EFCAB5: variants seen among roughly 807,000 people sequenced by gnomAD.
EFCAB5 encodes EF-hand calcium-binding domain-containing protein 5.
In EFCAB5, 131 loss-of-function variants were observed where a neutral mutation model predicts 167.9. The ratio of observed to expected loss-of-function variants is 0.78; its 90% CI spans 0.68 to 0.90. The LOEUF (loss-of-function observed/expected upper bound fraction) is 0.90. Among genes scored for constraint, EFCAB5 ranks in the 40% least tolerant of loss-of-function variants. The probability of loss-of-function intolerance (pLI) is 0.00; values close to 1 mark genes in which losing one functional copy is unlikely to be tolerated. For missense variants in EFCAB5, 1,663 were observed against 1,745.2 expected (o/e 0.95, Z 0.84); for synonymous variants, 574 against 602.8 (o/e 0.95, Z 0.70).
In EFCAB5 at chr17:29,965,027, G is replaced by A. The variant is rs117822962; in HGVS notation, c.191-3764G>A. Among the ~76,000 whole-genome samples the A allele has an allele frequency of 2.0e-3, 305 of 151,230 alleles. 9 individuals are homozygous for A. In the East Asian group the frequency reaches 0.053, roughly 26 times the overall value. ...CACCATTCTCCTGCCTCAGCCTGCC[G>A]AGTAGTTCGGACTACAGGCGCCTGC... On this transcript the variant is annotated intron_variant, in intron 3 of 22. Transcript: ENST00000394835.
At chr17:29,967,757 C>A (rs960801297) in intron 3 of EFCAB5, among the ~76,000 whole-genome samples, 1 of 152,116 alleles carries the variant, frequency 6.6e-6, no homozygotes, top group Non-Finnish European at 1.5e-5. Context: ...AGTCTACCAT[C>A]TTGGTCTAAT....
chr17:29,954,740 T>G (rs1254928427), intron 3 of EFCAB5, among the ~76,000 whole-genome samples: 1 of 152,130 alleles, frequency 6.6e-6, no homozygotes, highest in African/African-American at 2.4e-5. Context: ...GAATGATAGA[T>G]TCACCGACAG....
chr17:29,990,652 T>G (rs1170152970), intron 4 of EFCAB5, among the ~76,000 whole-genome samples: 1 of 152,206 alleles, frequency 6.6e-6, no homozygotes, highest in Non-Finnish European at 1.5e-5. Context: ...TGGTCCATAT[T>G]GATTAATAGC....
chr17:29,998,273 AG>A (rs755131356), intron 6 of EFCAB5, among the ~76,000 whole-genome samples: 7 of 152,176 alleles, frequency 4.6e-5, no homozygotes, highest in Non-Finnish European at 8.8e-5. Context: ...TTTTTGAATG[AG>A]GGTACAGAAG....
chr17:29,972,740 G>C (rs1214075822), intron 4 of EFCAB5: 1 of 220,644 alleles, frequency 4.5e-6, no homozygotes, highest in East Asian at 1.1e-4. Context: ...GCCAGAAAGC[G>C]TCCTTGCTGA....
At chr17:29,949,871 C>T (rs1316072155) in intron 3 of EFCAB5, among the ~76,000 whole-genome samples, 2 of 152,170 alleles carry the variant, frequency 1.3e-5, no homozygotes, top group East Asian at 3.8e-4. Flanking sequence ...CCAATGATAG[C>T]CAAGTACACT....
intron 14 of EFCAB5, chr17:30,069,663 T>G (rs147135201): frequency 4.0e-5 from 61 of 1,522,956 alleles, no homozygotes; most frequent in Non-Finnish European, 4.3e-5. Context: ...AGCACGAGAG[T>G]CTGCATGGGC....
intron 5 of EFCAB5, among the ~76,000 whole-genome samples, chr17:29,994,110 A>ACAAAAC (rs2068482197): frequency 7.4e-6 from 1 of 134,818 alleles, no homozygotes; most frequent in East Asian, 2.1e-4. Flanking sequence ...TCTCTTAAAA[A>ACAAAAC]CAAAACAACA....
chr17:30,068,559 G>A (rs1319850415), intron 14 of EFCAB5: 3 of 811,252 alleles, frequency 3.7e-6, no homozygotes, highest in Admixed American at 3.1e-5. Flanking sequence ...TTGTGAAAAT[G>A]ACCATACTAC....
chr17:29,962,122 C>T (rs898720139), intron 3 of EFCAB5, among the ~76,000 whole-genome samples: 77 of 152,062 alleles, frequency 5.1e-4, no homozygotes, highest in Non-Finnish European at 1.0e-3. Flanking sequence ...AGTGTGAATC[C>T]TTCAAGTTTG....
chr17:30,093,313 C>T (rs1240734749), intron 22 of EFCAB5, among the ~76,000 whole-genome samples: 5 of 152,080 alleles, frequency 3.3e-5, no homozygotes, highest in Non-Finnish European at 7.4e-5. Context: ...TGGAGAGCAG[C>T]GAGGCTCTCA....
At chr17:30,073,461 C>A (rs2070796038) in intron 14 of EFCAB5, among the ~76,000 whole-genome samples, 1 of 152,184 alleles carries the variant, frequency 6.6e-6, no homozygotes, top group Non-Finnish European at 1.5e-5. Flanking sequence ...TATTTTACCT[C>A]ACTTTTTAAT....
chr17:30,092,784 A>G (rs1003071669), intron 21 of EFCAB5, 56 bp from the exon 22 acceptor site: 9 of 1,213,728 alleles, frequency 7.4e-6, no homozygotes, highest in Non-Finnish European at 1.1e-5. Flanking sequence ...TGAACTGGGC[A>G]CTGTATTTCT....
intron 6 of EFCAB5, among the ~76,000 whole-genome samples, chr17:29,999,082 CAG>C (rs949561395): frequency 5.3e-5 from 8 of 151,236 alleles, no homozygotes; most frequent in African/African-American, 1.9e-4. Context: ...TTTTGTTTTC[CAG>C]AGTTTCCTTT....
At chr17:30,003,879 C>T (rs542790647) in intron 7 of EFCAB5, among the ~76,000 whole-genome samples, 49 of 152,264 alleles carry the variant, frequency 3.2e-4, no homozygotes, top group African/African-American at 1.1e-3. Context: ...TTGTCTTGGA[C>T]ATTTTGGTTA....
At chr17:30,042,127 G>A (rs1287114093) in intron 8 of EFCAB5, among the ~76,000 whole-genome samples, 1 of 151,902 alleles carries the variant, frequency 6.6e-6, no homozygotes, top group African/African-American at 2.4e-5. Flanking sequence ...TCCTGCCTTT[G>A]CCTCTGGAGT....
chr17:30,044,294 C>G (rs1428560385), intron 8 of EFCAB5, among the ~76,000 whole-genome samples: 1 of 152,042 alleles, frequency 6.6e-6, no homozygotes, highest in African/African-American at 2.4e-5. Context: ...ATTAAAAAGA[C>G]TGGGAGAGTA....
At position 30,087,048 on chromosome 17, in the gene EFCAB5, CT is replaced by C; in HGVS notation, c.3580-13del. ...GGTCTAATTACTCCTAATGAAATGC[CT>C]TCCTCTTTTCAAGGATTCAGACTAT... On this transcript the variant is annotated splice_polypyrimidine_tract_variant and intron_variant, in intron 18 of 22. Transcript: ENST00000394835. 2 of 1,610,896 alleles carry C rather than the reference CT, an allele frequency of 1.2e-6. No homozygotes were observed. The highest frequency in any genetic ancestry group is 1.7e-6 in the Non-Finnish European group (2 of 1,177,592).
chr17:29,933,479 G>C (rs927701103), intron 1 of EFCAB5, among the ~76,000 whole-genome samples: 1 of 152,158 alleles, frequency 6.6e-6, no homozygotes, highest in Non-Finnish European at 1.5e-5. Flanking sequence ...ATAGAGTGAA[G>C]AGCCTAGGAT....
Sources: allele counts gnomAD v4.1 joint callset (sites outside exome capture counted in the v4.1 genomes callset), GRCh38; gene constraint gnomAD v4.1.1; transcripts MANE v1.5; gene names NCBI Gene and HGNC (gene_info 2026-07-23, HGNC 2026-07-21).